The following CEP120 variants were observed in gnomAD, a reference collection of about 807,000 sequenced individuals.
CEP120 encodes centrosomal protein 120, also known as centrosomal protein of 120 kDa.
A neutral mutation model predicts 126.5 loss-of-function variants in CEP120; 113 were observed. That is an observed-to-expected ratio of 0.89 (90% CI 0.77 to 1.04). CEP120 has a LOEUF of 1.04. Ranked by LOEUF, CEP120 falls within the 50% of genes least tolerant of loss-of-function variation. CEP120 has a pLI of 0.00. For synonymous variants in CEP120, 400 were observed against 394.3 expected, an observed-to-expected ratio of 1.01 and a Z score of -0.17; for missense variants, 1,230 against 1,155.7, an observed-to-expected ratio of 1.06 and a Z score of -0.93.
intron 18 of CEP120, among the ~76,000 whole-genome samples, chr5:123,351,284 A>G (rs1225396211): frequency 1.3e-5 from 2 of 152,166 alleles, no homozygotes; most frequent in African/African-American, 4.8e-5. Flanking sequence ...GAATCTATAC[A>G]GTATGTATTT....
chr5:123,389,900 T>C (rs373142610), intron 8 of CEP120, 24 bp downstream of exon 8: 3 of 1,589,986 alleles, frequency 1.9e-6, no homozygotes, highest in Non-Finnish European at 2.6e-6. Context: ...CAAAGATCTA[T>C]AAACAAACAA....
Position 123,418,898 on chromosome 5 carries a change from TAA to T in CEP120, c.50-385_50-384del, listed in dbSNP as rs925987054. Reference sequence around the variant, plus strand: ...ATGCCCAGCCTAGCATGTGTTTTTTTAAAACTAATGATCTGTTAAGTGTGGTT... The same window carrying T: ...ATGCCCAGCCTAGCATGTGTTTTTTTAACTAATGATCTGTTAAGTGTGGTT... On this transcript the variant is annotated intron_variant, in intron 1 of 19. Transcript: ENST00000306467. Among the ~76,000 whole-genome samples, 104 of 152,316 alleles carry T rather than the reference TAA, an allele frequency of 6.8e-4. 1 individual carries two copies. Among genetic ancestry groups the T allele is most frequent in the African/African-American group, 2.5e-3 (102 of 41,566 alleles).
chr5:123,409,369 AG>A (rs1464644045), intron 4 of CEP120, among the ~76,000 whole-genome samples: 1 of 152,236 alleles, frequency 6.6e-6, no homozygotes, highest in Admixed American at 6.5e-5. Context: ...GTACAAGACA[AG>A]GATGTCCCCT....
chr5:123,384,422 T>TA (rs530175325), intron 11 of CEP120, among the ~76,000 whole-genome samples: 47 of 152,132 alleles, frequency 3.1e-4, no homozygotes, highest in South Asian at 2.7e-3. Context: ...TAAAATATGT[T>TA]AAAAAAACGC....
chr5:123,413,834 G>C (rs1774222173), intron 3 of CEP120, among the ~76,000 whole-genome samples: 1 of 152,002 alleles, frequency 6.6e-6, no homozygotes, highest in Non-Finnish European at 1.5e-5. Context: ...TTATAATTTT[G>C]AATATAAGCC....
At chr5:123,363,340 A>C (rs2126999825) in intron 18 of CEP120, among the ~76,000 whole-genome samples, 1 of 151,682 alleles carries the variant, frequency 6.6e-6, no homozygotes, top group South Asian at 2.1e-4. Context: ...TTAGGCAGTA[A>C]ATTTTATATT....
intron 4 of CEP120, among the ~76,000 whole-genome samples, chr5:123,409,505 T>C (rs1287145305): frequency 1.3e-5 from 2 of 151,960 alleles, no homozygotes; most frequent in East Asian, 3.9e-4. Flanking sequence ...ATGTCCCTTC[T>C]CACCACTCCT....
chr5:123,388,667 T>C (rs529024712), intron 8 of CEP120, 61 bp from the exon 9 acceptor site: 5 of 1,337,650 alleles, frequency 3.7e-6, no homozygotes, highest in Non-Finnish European at 5.0e-6. Flanking sequence ...TCTTAAATTG[T>C]ACAGATAGTT....
intron 4 of CEP120, among the ~76,000 whole-genome samples, chr5:123,405,775 A>G (rs933751023): frequency 6.6e-6 from 1 of 152,178 alleles, no homozygotes; most frequent in African/African-American, 2.4e-5. Flanking sequence ...TGTCCCATAC[A>G]TCATGTCCGG....
intron 9 of CEP120, 100 bp from the exon 10 acceptor site, chr5:123,386,767 TGAGCAAATACA>T: frequency 5.4e-6 from 5 of 917,884 alleles, no homozygotes; most frequent in Non-Finnish European, 7.4e-6. Flanking sequence ...ATGAATATTA[TGAGCAAATACA>T]ACTTTTTAAT....
chr5:123,349,340 T>C (rs1249693402), intron 19 of CEP120, among the ~76,000 whole-genome samples: 6 of 152,058 alleles, frequency 3.9e-5, no homozygotes, highest in Non-Finnish European at 8.8e-5. Flanking sequence ...CAAAGTAGCT[T>C]TGAAGATTTA....
chr5:123,369,415 T>C (rs1770694852), intron 17 of CEP120, among the ~76,000 whole-genome samples: 1 of 152,018 alleles, frequency 6.6e-6, no homozygotes, highest in Non-Finnish European at 1.5e-5. Context: ...ATGTGGCTCA[T>C]ATTCATACTG....
chr5:123,398,573 GT>G (rs1772961553), intron 5 of CEP120, among the ~76,000 whole-genome samples: 1 of 151,988 alleles, frequency 6.6e-6, no homozygotes, highest in African/African-American at 2.4e-5. Flanking sequence ...CCTCTGTGTA[GT>G]CCCCATGGGA....
chr5:123,387,308 G>GTA (rs1256234035), intron 9 of CEP120, among the ~76,000 whole-genome samples: 1 of 152,124 alleles, frequency 6.6e-6, no homozygotes, highest in Non-Finnish European at 1.5e-5. Context: ...AGAATTCTAT[G>GTA]TAGTCACCCA....
intron 4 of CEP120, among the ~76,000 whole-genome samples, chr5:123,405,086 A>G (rs1016641422): frequency 6.6e-6 from 1 of 152,164 alleles, no homozygotes; most frequent in Non-Finnish European, 1.5e-5. Flanking sequence ...AAAATTAACA[A>G]CTCTCCATAG....
At chr5:123,373,122 A>G (rs1770963308) in intron 16 of CEP120, among the ~76,000 whole-genome samples, 1 of 152,100 alleles carries the variant, frequency 6.6e-6, no homozygotes, top group Non-Finnish European at 1.5e-5. Context: ...ATTCAGCAAG[A>G]GACCACCAGA....
intron 18 of CEP120, among the ~76,000 whole-genome samples, chr5:123,353,035 C>G (rs1580627845): frequency 6.6e-6 from 1 of 151,894 alleles, no homozygotes; most frequent in South Asian, 2.1e-4. Flanking sequence ...TTTTAGCTCT[C>G]TAAATACATC....
Position 123,382,993 on chromosome 5 carries a change from G to A in CEP120, c.1853C>T (p.Ser618Leu), listed in dbSNP as rs749927089. 1 of 1,598,026 alleles carries A rather than the reference G, an allele frequency of 6.3e-7. No individual in the cohort carries two copies. The highest frequency in any genetic ancestry group is 8.6e-7 in the Non-Finnish European group (1 of 1,168,558). ...ACATTCAATTATATTTACCTGAGATGAATCAGAGATAAAAATCTCACGCAT... is the reference window on the plus strand; with the variant it reads ...ACATTCAATTATATTTACCTGAGATAAATCAGAGATAAAAATCTCACGCAT... Reference protein sequence around the residue: ...VKMREIFISDSSQGVSAVQQK... With the variant: ...VKMREIFISDLSQGVSAVQQK... Residue 618 changes from serine (S) to leucine (L), a missense_variant, in exon 12 of 20, where the codon TCA (serine) becomes TTA (leucine). Coordinates refer to ENST00000306467, the MANE Select transcript of CEP120 (RefSeq NM_001375405.1).
chr5:123,372,599 T>C, intron 17 of CEP120, 51 bp downstream of exon 17: 1 of 1,529,802 alleles, frequency 6.5e-7, no homozygotes, highest in Non-Finnish European at 9.0e-7. Flanking sequence ...TGATTGATTT[T>C]ATAAATTAAT....
Sources: gnomAD v4.1 joint callset for allele counts (sites outside exome capture counted in the v4.1 genomes callset) on GRCh38, gnomAD v4.1.1 for gene constraint, MANE v1.5 for transcripts, NCBI Gene and HGNC (gene_info 2026-07-23, HGNC 2026-07-21) for gene names.